Variants in ZBTB46 observed in about 807,000 individuals in gnomAD.
The protein encoded by ZBTB46 is zinc finger and BTB domain-containing protein 46.
Under a neutral mutation model 44.1 loss-of-function variants are expected in ZBTB46, and 8 were observed. That is an observed-to-expected ratio of 0.18 (90% CI 0.11 to 0.33). ZBTB46 has a LOEUF of 0.33. ZBTB46 is among the 10% of genes least tolerant of loss of function. The probability of loss-of-function intolerance (pLI) is 1.00; values close to 1 mark genes in which losing one functional copy is unlikely to be tolerated. For missense variants in ZBTB46, 651 were observed against 847.7 expected (o/e 0.77, Z 2.88); for synonymous variants, 409 against 382.3 (o/e 1.07, Z -0.81).
At chr20:63,814,273 GA>G (rs1264787219) in intron 1 of ZBTB46, among the ~76,000 whole-genome samples, 1 of 150,912 alleles carries the variant, frequency 6.6e-6, no homozygotes, top group East Asian at 1.9e-4. Context: ...AAAGGAAAAA[GA>G]AAAAACAGTG....
intron 1 of ZBTB46, among the ~76,000 whole-genome samples, chr20:63,824,227 A>G (rs947367013): frequency 1.3e-5 from 2 of 152,106 alleles, no homozygotes; most frequent in Admixed American, 1.3e-4. Flanking sequence ...AGGAGGAAGA[A>G]ATGGGGCTGG....
upstream of ZBTB46, among the ~76,000 whole-genome samples, chr20:63,832,546 C>T (rs2092857526): frequency 6.6e-6 from 1 of 152,346 alleles, no homozygotes; most frequent in African/African-American, 2.4e-5. This position sits in a 1 kb window ranked among gnomAD's most constrained non-coding sequence, Gnocchi z 5.0. Flanking sequence ...GCTGAGGGCT[C>T]TCCATGAGTG....
chr20:63,784,884 G>T (rs895400517), intron 2 of ZBTB46, among the ~76,000 whole-genome samples: 8 of 152,230 alleles, frequency 5.3e-5, no homozygotes, highest in African/African-American at 1.9e-4. Flanking sequence ...GCACAGAGGG[G>T]TTGGGGCATC....
intron 2 of ZBTB46, among the ~76,000 whole-genome samples, chr20:63,785,964 A>G (rs1003241325): frequency 6.6e-6 from 1 of 152,254 alleles, no homozygotes; most frequent in African/African-American, 2.4e-5. Context: ...TAAAGCATTC[A>G]GCCCACAGGC....
rs543486129 is a variant in ZBTB46, at chr20:63,775,550, AG to A, written c.1222+127del. 8.1e-5 allele frequency: 101 copies of A among 1,249,978 alleles called. 1 individual carries two copies. The South Asian group carries it at 1.5e-3, about 19-fold the overall frequency. The allele number at this position is 1,249,978 out of a possible 1,614,324, so 77.4% of individuals were successfully genotyped here. A position where few individuals can be genotyped will look rare whatever the true frequency, so the allele number is the denominator to read the frequency against. On this transcript the variant is annotated intron_variant, in intron 3 of 4. Transcript: ENST00000245663. ...ACGCCGCATCCTCACCTCCCGCAAC[AG>A]GGAGGTCAGCAGGCGGCCGAGCAGC...
At position 63,803,531 on chromosome 20, in the gene ZBTB46, G is replaced by A. The variant is rs2092662703; in HGVS notation, c.-33-12741C>T. ...AGCCCCCATGTGGCCATCTGAAGATGCAAAGCCATGTCTGCCGGCCCCGGG... is the reference window on the plus strand; with the variant it reads ...AGCCCCCATGTGGCCATCTGAAGATACAAAGCCATGTCTGCCGGCCCCGGG... On this transcript the variant is annotated intron_variant, in intron 1 of 4. Transcript: ENST00000245663. This position sits in a 1 kb window ranked among gnomAD's most constrained non-coding sequence, Gnocchi z 4.0. The A allele has an allele frequency of 1.0e-6, 1 of 984,590 alleles. No homozygotes were observed. 61.0% of individuals were successfully genotyped at this position (984,590 alleles called of 1,614,324 possible).
intron 1 of ZBTB46, among the ~76,000 whole-genome samples, chr20:63,816,127 CGCAGGTGCAGTGGGT>C (rs746865461): frequency 0.18 from 24,537 of 138,642 alleles, 2,466 homozygotes; most frequent in East Asian, 0.47. Context: ...CGCAGGTGGG[CGCAGGTGCAGTGGGT>C]GCAGGTGCAG....
At chr20:63,784,234 G>A (rs1015818467) in intron 2 of ZBTB46, among the ~76,000 whole-genome samples, 1 of 152,150 alleles carries the variant, frequency 6.6e-6, no homozygotes, top group African/African-American at 2.4e-5. Flanking sequence ...CCTGAGACCC[G>A]CCGGAGGCAG....
At chr20:63,769,479 T>A (rs2092348811) in intron 3 of ZBTB46, 1 of 980,808 alleles carries the variant, frequency 1.0e-6, no homozygotes, top group African/African-American at 1.8e-5. Flanking sequence ...CTTCCCGGCA[T>A]GCGGTGTGAG....
intron 1 of ZBTB46, among the ~76,000 whole-genome samples, chr20:63,824,676 C>G (rs2092810797): frequency 6.7e-6 from 1 of 148,278 alleles, no homozygotes; most frequent in African/African-American, 2.5e-5. Flanking sequence ...CACTGCACCC[C>G]CATCTCACCG....
At chr20:63,760,136 T>C (rs928944257) in intron 3 of ZBTB46, among the ~76,000 whole-genome samples, 5 of 152,246 alleles carry the variant, frequency 3.3e-5, no homozygotes, top group Non-Finnish European at 5.9e-5. Flanking sequence ...CCAGCTTAGA[T>C]AGGCTGGAGA....
chr20:63,793,913 G>A (rs192834877), intron 1 of ZBTB46, among the ~76,000 whole-genome samples: 113 of 152,218 alleles, frequency 7.4e-4, no homozygotes, highest in African/African-American at 2.7e-3. Flanking sequence ...CAGGCCAGGC[G>A]CGGTGGCTCA....
At chr20:63,780,587 G>C (rs563949972) in intron 2 of ZBTB46, among the ~76,000 whole-genome samples, 1 of 152,104 alleles carries the variant, frequency 6.6e-6, no homozygotes, top group East Asian at 1.9e-4. Context: ...CGGATCACGA[G>C]GTCAGGAGTT....
chr20:63,758,970 G>C (rs887975347), intron 3 of ZBTB46, among the ~76,000 whole-genome samples: 8 of 152,192 alleles, frequency 5.3e-5, no homozygotes, highest in Non-Finnish European at 1.2e-4. Flanking sequence ...CTGACCTCGT[G>C]ATCCGGCCGC....
At chr20:63,805,818 C>T (rs2092677732) in intron 1 of ZBTB46, among the ~76,000 whole-genome samples, 1 of 151,818 alleles carries the variant, frequency 6.6e-6, no homozygotes, top group Non-Finnish European at 1.5e-5. Flanking sequence ...GGCAGTGGCA[C>T]GATCTCGGCT....
At chr20:63,831,308 G>C (rs1387487182), upstream of ZBTB46, 3 of 138,106 alleles carry the variant, frequency 2.2e-5, no homozygotes, top group South Asian at 2.2e-4. Context: ...CCGCCCGCGC[G>C]CGCGCGCCCC....
chr20:63,819,546 C>T (rs577875707), intron 1 of ZBTB46, among the ~76,000 whole-genome samples: 14 of 152,276 alleles, frequency 9.2e-5, no homozygotes, highest in Middle Eastern at 3.4e-3. Context: ...GGACCTCCTA[C>T]CCTCCCTTCT....
At chr20:63,821,439 G>A (rs904643035) in intron 1 of ZBTB46, among the ~76,000 whole-genome samples, 5 of 119,506 alleles carry the variant, frequency 4.2e-5, no homozygotes, top group Admixed American at 8.4e-5. Flanking sequence ...AAGCAGGCAC[G>A]CTTTTTTTTT....
intron 1 of ZBTB46, among the ~76,000 whole-genome samples, chr20:63,830,674 A>C (rs1357852184): frequency 6.8e-6 from 1 of 147,844 alleles, no homozygotes; most frequent in East Asian, 2.0e-4. Context: ...CCTCGGGGCC[A>C]GGCGTTGACG....
Sources: gnomAD v4.1 joint callset for allele counts (sites outside exome capture counted in the v4.1 genomes callset) on GRCh38, gnomAD v4.1.1 for gene constraint, Gnocchi (gnomAD v3.1) non-coding constraint, MANE v1.5 for transcripts, NCBI Gene and HGNC (gene_info 2026-07-23, HGNC 2026-07-21) for gene names.